The following ABCB5 variants were observed in gnomAD, a reference collection of about 807,000 sequenced individuals.
ABCB5 encodes ATP binding cassette subfamily B member 5, also known as ATP-binding cassette sub-family B member 5.
Under a neutral mutation model 144.2 loss-of-function variants are expected in ABCB5, and 155 were observed. The ratio of observed to expected loss-of-function variants is 1.08; its 90% CI spans 0.94 to 1.23. ABCB5 has a LOEUF of 1.23. Among genes scored for constraint, ABCB5 ranks in the 50% most tolerant of loss-of-function variants. ABCB5 has a pLI of 0.00. For synonymous variants in ABCB5, 610 were observed against 528.6 expected, an observed-to-expected ratio of 1.15 and a Z score of -2.11; for missense variants, 1,830 against 1,520.8, an observed-to-expected ratio of 1.20 and a Z score of -3.38.
intron 1 of ABCB5, among the ~76,000 whole-genome samples, chr7:20,619,242 A>C (rs1783757323): frequency 6.6e-6 from 1 of 152,104 alleles, no homozygotes; most frequent in South Asian, 2.1e-4. Flanking sequence ...TTCTGTTTTA[A>C]GTTCTTTGAG....
chr7:20,616,177 A>G (rs995081026), intron 1 of ABCB5, among the ~76,000 whole-genome samples: 2 of 152,234 alleles, frequency 1.3e-5, no homozygotes, highest in Non-Finnish European at 2.9e-5. Context: ...CTGGGATTGC[A>G]GGTGCCCAGC....
intron 9 of ABCB5, chr7:20,647,187 A>C (rs1784430704): frequency 1.5e-6 from 1 of 688,974 alleles, no homozygotes; most frequent in Non-Finnish European, 1.8e-6. Flanking sequence ...AGGGGAGTGC[A>C]ACTCACCATG....
rs149297544 is a variant in ABCB5 at position 20,744,626 on chromosome 7, G to C, written c.3223-606G>C. 2.5e-4 allele frequency among the ~76,000 whole-genome samples: 38 copies of C among 150,670 alleles called. No homozygotes were observed. In the East Asian group the frequency reaches 3.1e-3, roughly 12 times the overall value. On this transcript the variant is annotated intron_variant, in intron 25 of 27. Transcript: ENST00000404938. The stretch of plus-strand genomic sequence containing the variant: ...ATATAAGCTACATCCATGGGGGGAG[G>C]GGGGAGGGACAGCATTAGGAGATAT...
intron 17 of ABCB5, 23 bp downstream of exon 17, chr7:20,698,573 T>C (rs748474473): frequency 3.2e-6 from 5 of 1,568,876 alleles, no homozygotes; most frequent in African/African-American, 1.4e-5. Flanking sequence ...AATTTGCTAA[T>C]ACTTTCAGCA....
chr7:20,707,964 C>T (rs1225419132), intron 20 of ABCB5, among the ~76,000 whole-genome samples: 1 of 151,892 alleles, frequency 6.6e-6, no homozygotes, highest in African/African-American at 2.4e-5. Context: ...CTACTATGCC[C>T]AGCTAATTTT....
At position 20,645,882 on chromosome 7, in the gene ABCB5, T is replaced by G; in HGVS notation, c.803+2T>G. The G allele has an allele frequency of 6.2e-7, 1 of 1,613,106 alleles. No homozygotes were observed. Among genetic ancestry groups the G allele is most frequent in the Non-Finnish European group, 8.5e-7 (1 of 1,179,580 alleles). On this transcript the variant is annotated splice_donor_variant, in intron 8 of 27. Coordinates refer to ENST00000404938, the MANE Select transcript of ABCB5 (RefSeq NM_001163941.2). LOFTEE classifies it high-confidence loss of function. ...GGCCCAGGAGAAAGAACTTCAAAGG[T>G]CTTTCCTTTTAAATATAACAAGATA...
intron 14 of ABCB5, among the ~76,000 whole-genome samples, chr7:20,680,633 A>G (rs965912189): frequency 6.6e-6 from 1 of 151,898 alleles, no homozygotes; most frequent in African/African-American, 2.4e-5. Flanking sequence ...GGTGCTGGTA[A>G]TGATGGGATT....
chr7:20,647,278 G>T, intron 9 of ABCB5: 1 of 1,214,698 alleles, frequency 8.2e-7, no homozygotes, highest in Non-Finnish European at 1.0e-6. Flanking sequence ...ACAAGACTAT[G>T]AGATAATCAA....
intron 25 of ABCB5, among the ~76,000 whole-genome samples, chr7:20,743,593 T>C (rs1782627975): frequency 6.6e-6 from 1 of 152,242 alleles, no homozygotes; most frequent in Non-Finnish European, 1.5e-5. Flanking sequence ...AGGATTGTTT[T>C]TCTTACCTGG....
At chr7:20,670,131 C>T (rs1397200031) in intron 14 of ABCB5, among the ~76,000 whole-genome samples, 1 of 152,108 alleles carries the variant, frequency 6.6e-6, no homozygotes, top group Non-Finnish European at 1.5e-5. Flanking sequence ...CAAGAGGAGC[C>T]TAAGGCGACA....
Position 20,704,075 on chromosome 7 carries a change from C to CTTTTTTTTTTTTTTTTTTTTTT in ABCB5, c.2338-633_2338-632insTTTTTTTTTTTTTTTTTTTTTT, listed in dbSNP as rs71020669. Among the ~76,000 whole-genome samples the CTTTTTTTTTTTTTTTTTTTTTT allele has an allele frequency of 8.9e-4, 72 of 80,758 alleles. 10 individuals are homozygous for CTTTTTTTTTTTTTTTTTTTTTT. Among genetic ancestry groups the CTTTTTTTTTTTTTTTTTTTTTT allele is most frequent in the East Asian group, 2.3e-3 (5 of 2,138 alleles). The allele number at this position is 80,758 out of a possible 152,430, so 53.0% of individuals were successfully genotyped here. Reference sequence around the variant, plus strand: ...CTAAATTGTGTTGTTTATTGCCTTCCTTTTTTTTTTTTTTTTGTGAGACAG... The same window carrying CTTTTTTTTTTTTTTTTTTTTTT: ...CTAAATTGTGTTGTTTATTGCCTTCCTTTTTTTTTTTTTTTTTTTTTTTTTTTTTTTTTTTTTTGTGAGACAG... On this transcript the variant is annotated intron_variant, in intron 19 of 27. Transcript: ENST00000404938.
At chr7:20,720,986 T>C (rs1411310196) in intron 20 of ABCB5, among the ~76,000 whole-genome samples, 2 of 142,760 alleles carry the variant, frequency 1.4e-5, no homozygotes, top group African/African-American at 5.1e-5. Context: ...AATTATTCCA[T>C]ATTAAAGGAG....
chr7:20,753,543 A>G, intron 27 of ABCB5, 37 bp downstream of exon 27: 1 of 1,579,860 alleles, frequency 6.3e-7, no homozygotes. Flanking sequence ...ATATAATACC[A>G]AATATAAGCA....
intron 20 of ABCB5, among the ~76,000 whole-genome samples, chr7:20,719,625 C>A (rs1781797654): frequency 6.6e-6 from 1 of 152,190 alleles, no homozygotes; most frequent in Non-Finnish European, 1.5e-5. Context: ...GATATTATGA[C>A]ACCCAGTGTG....
intron 14 of ABCB5, among the ~76,000 whole-genome samples, chr7:20,662,890 G>A (rs182182134): frequency 2.6e-5 from 4 of 152,194 alleles, no homozygotes; most frequent in East Asian, 1.9e-4. Flanking sequence ...AGACTTACAC[G>A]TACTCTTGAG....
chr7:20,636,436 A>G (rs1460076589), intron 5 of ABCB5, among the ~76,000 whole-genome samples: 1 of 152,134 alleles, frequency 6.6e-6, no homozygotes, highest in Non-Finnish European at 1.5e-5. Context: ...CTTACCTTTT[A>G]TAGTACTTGT....
intron 26 of ABCB5, among the ~76,000 whole-genome samples, chr7:20,746,459 T>A (rs1444990196): frequency 6.6e-6 from 1 of 152,168 alleles, no homozygotes; most frequent in Non-Finnish European, 1.5e-5. Flanking sequence ...TCCCTAAACA[T>A]CCTATTTTTA....
chr7:20,639,033 C>A (rs967692276), intron 5 of ABCB5, among the ~76,000 whole-genome samples: 9 of 150,802 alleles, frequency 6.0e-5, no homozygotes, highest in African/African-American at 2.2e-4. Context: ...TTATTGTCTG[C>A]CTTTTTTATT....
intron 20 of ABCB5, among the ~76,000 whole-genome samples, chr7:20,714,799 C>A (rs530554864): frequency 2.7e-5 from 4 of 150,258 alleles, no homozygotes; most frequent in African/African-American, 1.0e-4. Context: ...GTGTCCCAAA[C>A]AAAAAACTCA....
Sources: allele counts gnomAD v4.1 joint callset (sites outside exome capture counted in the v4.1 genomes callset), GRCh38; gene constraint gnomAD v4.1.1; transcripts MANE v1.5; gene names NCBI Gene and HGNC (gene_info 2026-07-23, HGNC 2026-07-21).